CSMD1: variants seen among roughly 807,000 people sequenced by gnomAD.
CSMD1 encodes CUB and Sushi multiple domains 1.
Under a neutral mutation model 417.5 loss-of-function variants are expected in CSMD1, and 213 were observed. That is an observed-to-expected ratio of 0.51 (90% CI 0.46 to 0.57). The LOEUF (loss-of-function observed/expected upper bound fraction) is 0.57, where lower values mean the gene tolerates loss of function less well. Among genes scored for constraint, CSMD1 ranks in the 20% least tolerant of loss-of-function variants. The pLI, the probability that CSMD1 is intolerant of heterozygous loss-of-function variation, is 0.00. For missense variants in CSMD1, 6,923 were observed against 4,529.7 expected (o/e 1.53, Z -15.17); for synonymous variants, 2,862 against 1,736.8 (o/e 1.65, Z -16.11).
At position 3,491,593 on chromosome 8, in the gene CSMD1, C is replaced by G. The variant is rs1818384840; in HGVS notation, c.1448+2030G>C. On this transcript the variant is annotated intron_variant, in intron 11 of 69. Transcript: ENST00000635120. ...GGGAGGTGTTCTCTTGCAAAATGTC[C>G]AAGATTCGACGAATGAAGGAGTCGT... is the stretch of plus-strand genomic sequence containing the variant. 2.6e-5 allele frequency among the ~76,000 whole-genome samples: 4 copies of G among 152,096 alleles called. No individual in the cohort carries two copies. In the South Asian group the frequency reaches 8.3e-4, roughly 32 times the overall value.
chr8:4,476,437 T>C (rs1800806565), intron 2 of CSMD1, among the ~76,000 whole-genome samples: 1 of 152,338 alleles, frequency 6.6e-6, no homozygotes, highest in East Asian at 1.9e-4. Flanking sequence ...AATGTAGTCA[T>C]ATATACATAT....
At chr8:4,609,048 G>A (rs1165326503) in intron 2 of CSMD1, among the ~76,000 whole-genome samples, 5 of 151,962 alleles carry the variant, frequency 3.3e-5, no homozygotes, top group Non-Finnish European at 7.4e-5. Context: ...TGAGGAGTTG[G>A]GCTGAAACTT....
chr8:2,971,432 G>C (rs1208235513), intron 57 of CSMD1, among the ~76,000 whole-genome samples: 1 of 152,182 alleles, frequency 6.6e-6, no homozygotes, highest in African/African-American at 2.4e-5. Flanking sequence ...CTGATTTGCT[G>C]CATGCCCCTA....
At chr8:3,787,731 A>G (rs1036606923) in intron 5 of CSMD1, among the ~76,000 whole-genome samples, 1 of 152,248 alleles carries the variant, frequency 6.6e-6, no homozygotes, top group Non-Finnish European at 1.5e-5. Flanking sequence ...TTGTAAGAAA[A>G]ACATAGACCC....
At chr8:4,454,366 C>G (rs908857567) in intron 2 of CSMD1, among the ~76,000 whole-genome samples, 4 of 152,158 alleles carry the variant, frequency 2.6e-5, no homozygotes, top group African/African-American at 9.7e-5. Flanking sequence ...TCTCCCAACA[C>G]ATACCTCTTG....
chr8:3,649,898 C>G (rs1052123743), intron 7 of CSMD1, among the ~76,000 whole-genome samples: 1 of 151,924 alleles, frequency 6.6e-6, no homozygotes, highest in Non-Finnish European at 1.5e-5. Flanking sequence ...ACTATCTAGC[C>G]CAGAGCTTTG....
At chr8:3,866,440 A>T (rs1805111048) in intron 5 of CSMD1, among the ~76,000 whole-genome samples, 3 of 152,132 alleles carry the variant, frequency 2.0e-5, no homozygotes, top group Admixed American at 2.0e-4. Flanking sequence ...TGATTACCTG[A>T]TATGTTTAAA....
rs1808944650 is a variant in CSMD1 at position 3,918,014 on chromosome 8, C to CA, written c.818+79888dup. 3.9e-5 allele frequency among the ~76,000 whole-genome samples: 6 copies of CA among 152,194 alleles called. No individual in the cohort carries two copies. In the South Asian group the frequency reaches 1.2e-3, roughly 32 times the overall value. On this transcript the variant is annotated intron_variant, in intron 5 of 69. Transcript: ENST00000635120. ...TCTTCCCGATTCACGCATGCTGTTG[C>CA]AAATGGCACAATTTCCTTCTTTTTT...
At chr8:4,455,258 A>T (rs1351667024) in intron 2 of CSMD1, among the ~76,000 whole-genome samples, 1 of 151,980 alleles carries the variant, frequency 6.6e-6, no homozygotes, top group Non-Finnish European at 1.5e-5. Flanking sequence ...TCCCCAGGTT[A>T]AAAAAAATAG....
At chr8:4,392,308 A>G (rs1472719698) in intron 3 of CSMD1, among the ~76,000 whole-genome samples, 1 of 152,200 alleles carries the variant, frequency 6.6e-6, no homozygotes, top group African/African-American at 2.4e-5. Context: ...CACAAGCGGC[A>G]GGTTTTACCA....
chr8:4,508,560 G>T (rs1585180646), intron 2 of CSMD1, among the ~76,000 whole-genome samples: 1 of 152,162 alleles, frequency 6.6e-6, no homozygotes, highest in East Asian at 1.9e-4. Context: ...ATATTAAAGA[G>T]ATCAAAGAGA....
At chr8:4,525,319 C>T (rs940108849) in intron 2 of CSMD1, among the ~76,000 whole-genome samples, 2 of 152,092 alleles carry the variant, frequency 1.3e-5, no homozygotes, top group African/African-American at 2.4e-5. Flanking sequence ...CCAAGGCTCC[C>T]GGCATGGGGA....
chr8:3,241,334 G>A (rs1206285842), intron 26 of CSMD1, among the ~76,000 whole-genome samples: 5 of 151,644 alleles, frequency 3.3e-5, no homozygotes, highest in Admixed American at 6.6e-5. Flanking sequence ...AGGGAAACAG[G>A]TCCTTGAAAA....
intron 50 of CSMD1, among the ~76,000 whole-genome samples, chr8:3,048,125 A>G (rs766310146): frequency 7.2e-5 from 11 of 152,198 alleles, no homozygotes; most frequent in Non-Finnish European, 1.5e-4. Context: ...TTCAGGTAAA[A>G]CAATTTCTAT....
At chr8:3,559,555 T>G (rs907230928) in intron 10 of CSMD1, among the ~76,000 whole-genome samples, 2 of 152,038 alleles carry the variant, frequency 1.3e-5, no homozygotes, top group Non-Finnish European at 2.9e-5. Flanking sequence ...GGAAAAGAAT[T>G]GGGTTTTTGT....
chr8:3,684,137 TA>T (rs1401958520), intron 7 of CSMD1, among the ~76,000 whole-genome samples: 2 of 140,332 alleles, frequency 1.4e-5, no homozygotes, highest in Non-Finnish European at 3.1e-5. Context: ...ATATAATATA[TA>T]ATGCCTATAT....
Position 3,473,614 on chromosome 8 carries a change from A to G in CSMD1, c.1449-4790T>C, listed in dbSNP as rs561001518. Among the ~76,000 whole-genome samples the G allele has an allele frequency of 5.3e-5, 8 of 152,324 alleles. No homozygotes were observed. The South Asian group carries it at 1.7e-3, about 32-fold the overall frequency. ...TGTTTGAAACAGGATTTTCAAAATA[A>G]TAATACCTGAAAAATAAAATAGATA... On this transcript the variant is annotated intron_variant, in intron 11 of 69. Transcript: ENST00000635120.
At chr8:3,558,126 C>CTG (rs1563151666) in intron 10 of CSMD1, among the ~76,000 whole-genome samples, 2 of 150,402 alleles carry the variant, frequency 1.3e-5, no homozygotes, top group Non-Finnish European at 3.0e-5. Context: ...TCAATGGTAC[C>CTG]CCGTGTCCAC....
chr8:4,068,378 G>T (rs1799369379), intron 3 of CSMD1, among the ~76,000 whole-genome samples: 2 of 152,140 alleles, frequency 1.3e-5, no homozygotes, highest in African/African-American at 2.4e-5. Context: ...GTCAGCCATG[G>T]GAGTGTGACT....
Sources: allele counts gnomAD v4.1 joint callset (sites outside exome capture counted in the v4.1 genomes callset), GRCh38; gene constraint gnomAD v4.1.1; transcripts MANE v1.5; gene names NCBI Gene and HGNC (gene_info 2026-07-23, HGNC 2026-07-21).